PARD3B: variants seen among roughly 807,000 people sequenced by gnomAD.
PARD3B encodes par-3 family cell polarity regulator beta.
A neutral mutation model predicts 130.2 loss-of-function variants in PARD3B; 103 were observed. That is an observed-to-expected ratio of 0.79 (90% confidence interval 0.67 to 0.93). The LOEUF is 0.93. Ranked by LOEUF, PARD3B falls within the 40% of genes least tolerant of loss-of-function variation. PARD3B has a pLI of 0.00. For missense variants in PARD3B, 1,609 were observed against 1,499.2 expected (o/e 1.07, Z -1.21); for synonymous variants, 583 against 553.2 (o/e 1.05, Z -0.76).
chr2:205,450,520 C>A (rs944555139), intron 20 of PARD3B, among the ~76,000 whole-genome samples: 10 of 123,194 alleles, frequency 8.1e-5, no homozygotes, highest in African/African-American at 3.3e-4. Context: ...GTTGCCTGGG[C>A]TGGAGTGCAA....
Position 205,176,329 on chromosome 2 carries a change from A to T in PARD3B, c.1792-116A>T, listed in dbSNP as rs1001376565. The T allele has an allele frequency of 9.8e-7, 1 of 1,017,206 alleles. No individual in the cohort carries two copies. The highest frequency in any genetic ancestry group is 1.4e-6 in the Non-Finnish European group (1 of 725,266). 63.0% of individuals were successfully genotyped at this position (1,017,206 alleles called of 1,614,324 possible). ...TTGAGTTTCCACAGTTGAGGACTTAAGTGTAATAGACTCTTGAAAGACTAT... is the reference window on the plus strand; with the variant it reads ...TTGAGTTTCCACAGTTGAGGACTTATGTGTAATAGACTCTTGAAAGACTAT... On this transcript the variant is annotated intron_variant, in intron 12 of 22. Transcript: ENST00000406610. This position sits in a 1 kb window ranked among gnomAD's most constrained non-coding sequence, Gnocchi z 5.3.
At chr2:204,942,209 G>C (rs1015675613) in intron 2 of PARD3B, among the ~76,000 whole-genome samples, 1 of 152,090 alleles carries the variant, frequency 6.6e-6, no homozygotes, top group African/African-American at 2.4e-5. Flanking sequence ...AAGACTAAAG[G>C]CCTTTTTTCT....
chr2:204,959,888 G>A (rs747298748), intron 2 of PARD3B, among the ~76,000 whole-genome samples: 2 of 152,082 alleles, frequency 1.3e-5, no homozygotes, highest in African/African-American at 2.4e-5. Flanking sequence ...CCACGTTAAT[G>A]TATTTATTTC....
chr2:205,412,566 G>T (rs369816706), intron 19 of PARD3B, among the ~76,000 whole-genome samples: 1 of 152,196 alleles, frequency 6.6e-6, no homozygotes, highest in Admixed American at 6.5e-5. Flanking sequence ...ACTTTCAGTG[G>T]CTCTCTATTG....
intron 2 of PARD3B, among the ~76,000 whole-genome samples, chr2:204,922,027 A>G (rs377601112): frequency 7.9e-5 from 12 of 152,178 alleles, no homozygotes; most frequent in African/African-American, 2.9e-4. Context: ...GGTACTGTGG[A>G]TTCTGATGCC....
intron 1 of PARD3B, among the ~76,000 whole-genome samples, chr2:204,636,045 G>T (rs995587187): frequency 6.6e-6 from 1 of 151,992 alleles, no homozygotes; most frequent in African/African-American, 2.4e-5. Context: ...CTCTTGAGGT[G>T]AATACTCTTT....
chr2:205,515,227 C>A (rs766413538), intron 21 of PARD3B, among the ~76,000 whole-genome samples: 2 of 152,106 alleles, frequency 1.3e-5, no homozygotes, highest in Non-Finnish European at 2.9e-5. Context: ...GCCACGTTAT[C>A]TTTATCCAAT....
chr2:205,482,436 G>A (rs115499228), intron 20 of PARD3B, among the ~76,000 whole-genome samples: 1,647 of 152,198 alleles, frequency 0.011, 8 homozygotes, highest in Non-Finnish European at 0.016. Context: ...AAAGGAGACG[G>A]CAGAGGATTG....
At chr2:204,605,142 T>C (rs1484254378) in intron 1 of PARD3B, among the ~76,000 whole-genome samples, 2 of 152,158 alleles carry the variant, frequency 1.3e-5, no homozygotes, top group Non-Finnish European at 2.9e-5. Context: ...TCTTGTGACC[T>C]GGTGTCAGAA....
In PARD3B at chr2:204,809,130, T is replaced by C. The variant is rs151216041; in HGVS notation, c.222+122848T>C. On this transcript the variant is annotated intron_variant, in intron 2 of 22. Transcript: ENST00000406610. ...CACTTTTAATGGGTTTGTCTGTTTT[T>C]TTTTCTTGTAAATTTGTTTAAGTTC... 4.3e-4 allele frequency among the ~76,000 whole-genome samples: 66 copies of C among 152,286 alleles called. 1 individual carries two copies. The highest frequency in any genetic ancestry group is 6.8e-3 in the Middle Eastern group (2 of 294).
At chr2:204,662,583 T>C (rs999836430) in intron 1 of PARD3B, among the ~76,000 whole-genome samples, 4 of 152,252 alleles carry the variant, frequency 2.6e-5, no homozygotes, top group Non-Finnish European at 4.4e-5. Context: ...GCTTCATGTG[T>C]ACTTCCTATT....
At chr2:204,595,233 A>G (rs1410815020) in intron 1 of PARD3B, among the ~76,000 whole-genome samples, 1 of 152,192 alleles carries the variant, frequency 6.6e-6, no homozygotes, top group Non-Finnish European at 1.5e-5. Context: ...AGTCTACTCC[A>G]TCCTCTGTCC....
intron 16 of PARD3B, among the ~76,000 whole-genome samples, chr2:205,285,683 G>C (rs991656282): frequency 6.6e-6 from 1 of 152,104 alleles, no homozygotes; most frequent in Admixed American, 6.6e-5. Context: ...GACCATCTCT[G>C]TTTGGTGCTG....
chr2:204,846,599 T>A (rs1357103730), intron 2 of PARD3B, among the ~76,000 whole-genome samples: 1 of 150,714 alleles, frequency 6.6e-6, no homozygotes, highest in Non-Finnish European at 1.5e-5. Flanking sequence ...ATAAGAAGAG[T>A]TATAAGAGAA....
At position 205,427,811 on chromosome 2, in the gene PARD3B, G is replaced by A. The variant is rs186688764; in HGVS notation, c.2742-12559G>A. Among the ~76,000 whole-genome samples, 713 of 152,160 alleles carry A rather than the reference G, an allele frequency of 4.7e-3. 2 individuals carry two copies. The highest frequency in any genetic ancestry group is 8.0e-3 in the Non-Finnish European group (542 of 67,992). On this transcript the variant is annotated intron_variant, in intron 19 of 22. Coordinates refer to ENST00000406610, the MANE Select transcript of PARD3B (RefSeq NM_001302769.2). ...ACAAATTGGTTGCATAGCCATTCAG[G>A]AAAAAGAATTACTTCAAGTGACATT...
intron 2 of PARD3B, among the ~76,000 whole-genome samples, chr2:204,954,185 A>G (rs1283821026): frequency 2.0e-5 from 3 of 152,178 alleles, no homozygotes; most frequent in African/African-American, 7.2e-5. Flanking sequence ...AAGCTAAAGG[A>G]AAAGGTTAGC....
At chr2:205,155,976 G>A (rs540519321) in intron 10 of PARD3B, among the ~76,000 whole-genome samples, 111 of 151,906 alleles carry the variant, frequency 7.3e-4, no homozygotes, top group African/African-American at 2.6e-3. Flanking sequence ...TGTTTATTGC[G>A]GCACTATTCA....
chr2:204,591,297 A>G (rs1304702936), intron 1 of PARD3B, among the ~76,000 whole-genome samples: 2 of 152,222 alleles, frequency 1.3e-5, no homozygotes, highest in African/African-American at 4.8e-5. Context: ...TGGGGCTGAC[A>G]GAATGTTTAT....
At chr2:204,608,300 C>T (rs1258957790) in intron 1 of PARD3B, among the ~76,000 whole-genome samples, 1 of 152,202 alleles carries the variant, frequency 6.6e-6, no homozygotes, top group Non-Finnish European at 1.5e-5. Context: ...GTTTCTATGG[C>T]TCTCCACTAG....
Sources: allele counts gnomAD v4.1 joint callset (sites outside exome capture counted in the v4.1 genomes callset), GRCh38; gene constraint gnomAD v4.1.1; non-coding constraint Gnocchi (gnomAD v3.1); transcripts MANE v1.5; gene names NCBI Gene and HGNC (gene_info 2026-07-23, HGNC 2026-07-21).